LRRC4C: variants seen among roughly 807,000 people sequenced by gnomAD.
LRRC4C encodes leucine rich repeat containing 4C.
Under a neutral mutation model 33.6 loss-of-function variants are expected in LRRC4C, and 5 were observed. The ratio of observed to expected loss-of-function variants is 0.15; its 90% CI spans 0.08 to 0.31. The LOEUF (loss-of-function observed/expected upper bound fraction) is 0.31. Ranked by LOEUF, LRRC4C falls within the 10% of genes least tolerant of loss-of-function variation. LRRC4C has a pLI of 1.00. For synonymous variants in LRRC4C, 329 were observed against 302.0 expected, an observed-to-expected ratio of 1.09 and a Z score of -0.93; for missense variants, 560 against 796.7, an observed-to-expected ratio of 0.70 and a Z score of 3.58.
intron 2 of LRRC4C, among the ~76,000 whole-genome samples, chr11:40,818,329 T>C (rs1951787807): frequency 6.6e-6 from 1 of 152,106 alleles, no homozygotes. Flanking sequence ...ATGCTAAGAC[T>C]TTCCCTTCCA....
intron 3 of LRRC4C, among the ~76,000 whole-genome samples, chr11:40,490,603 A>C (rs962502431): frequency 3.0e-4 from 45 of 152,126 alleles, no homozygotes; most frequent in African/African-American, 9.9e-4. Flanking sequence ...CTGAGGAGTG[A>C]ATTTTACTGA....
At chr11:40,427,324 T>G (rs1381418668) in intron 3 of LRRC4C, among the ~76,000 whole-genome samples, 2 of 151,496 alleles carry the variant, frequency 1.3e-5, no homozygotes, top group African/African-American at 2.4e-5. Flanking sequence ...GCCAATGTCA[T>G]GAAACCACAT....
At chr11:40,364,531 A>G (rs962579090) in intron 3 of LRRC4C, among the ~76,000 whole-genome samples, 2 of 152,250 alleles carry the variant, frequency 1.3e-5, no homozygotes, top group Non-Finnish European at 2.9e-5. Flanking sequence ...AATGAAATTC[A>G]CATTAAAAAG....
chr11:41,227,942 T>TA lies in LRRC4C; in HGVS notation c.-496+231488dup, dbSNP rs201153392. ...TTTATACATTTTTAACATGTATACT[T>TA]AACAGTTGATCAATAATATTTCTAA... is the stretch of plus-strand genomic sequence containing the variant. On this transcript the variant is annotated intron_variant, in intron 1 of 6. Coordinates refer to ENST00000528697, the MANE Select transcript of LRRC4C (RefSeq NM_001258419.2). Among the ~76,000 whole-genome samples the TA allele has an allele frequency of 5.9e-3, 905 of 152,222 alleles. 15 individuals carry two copies. The highest frequency in any genetic ancestry group is 0.021 in the African/African-American group (852 of 41,544).
At chr11:40,530,617 T>A (rs2135306301) in intron 3 of LRRC4C, among the ~76,000 whole-genome samples, 1 of 152,294 alleles carries the variant, frequency 6.6e-6, no homozygotes, top group East Asian at 1.9e-4. Flanking sequence ...CAATGCCAAG[T>A]AGCAACTCAT....
chr11:40,756,608 A>G (rs1288276447), intron 2 of LRRC4C, among the ~76,000 whole-genome samples: 1 of 152,038 alleles, frequency 6.6e-6, no homozygotes, highest in Admixed American at 6.6e-5. Context: ...ATTTGGATAC[A>G]TTTTCAAAGC....
intron 3 of LRRC4C, among the ~76,000 whole-genome samples, chr11:40,362,445 T>C (rs112614626): frequency 0.094 from 14,226 of 151,914 alleles, 718 homozygotes; most frequent in Middle Eastern, 0.16. Context: ...AATATTCTGG[T>C]GCAGTGGCTC....
chr11:41,386,974 T>G (rs1382212961), intron 1 of LRRC4C, among the ~76,000 whole-genome samples: 2 of 151,760 alleles, frequency 1.3e-5, no homozygotes, highest in Non-Finnish European at 3.0e-5. Flanking sequence ...AGCATTCAAT[T>G]TTTTAGAGAA....
chr11:41,215,309 G>A (rs908333193), intron 1 of LRRC4C, among the ~76,000 whole-genome samples: 5 of 151,566 alleles, frequency 3.3e-5, no homozygotes, highest in Non-Finnish European at 4.4e-5. Flanking sequence ...CCAACATGGT[G>A]AAACCCTGCC....
chr11:40,794,585 T>A (rs1950752720), intron 2 of LRRC4C, among the ~76,000 whole-genome samples: 1 of 152,180 alleles, frequency 6.6e-6, no homozygotes, highest in Non-Finnish European at 1.5e-5. Flanking sequence ...GCTGTTTCCG[T>A]CTGTTGAACT....
At chr11:40,764,311 C>A (rs760211921) in intron 2 of LRRC4C, among the ~76,000 whole-genome samples, 17 of 152,068 alleles carry the variant, frequency 1.1e-4, no homozygotes, top group Non-Finnish European at 2.5e-4. Flanking sequence ...GAATTAACAT[C>A]ATCTGTAGCC....
At chr11:40,475,743 G>T (rs530047056) in intron 3 of LRRC4C, among the ~76,000 whole-genome samples, 1 of 152,178 alleles carries the variant, frequency 6.6e-6, no homozygotes, top group Admixed American at 6.5e-5. Flanking sequence ...TCACAAAATT[G>T]TTAGAGAAAC....
intron 3 of LRRC4C, among the ~76,000 whole-genome samples, chr11:40,622,621 T>C (rs917243340): frequency 2.6e-5 from 4 of 151,916 alleles, no homozygotes; most frequent in Non-Finnish European, 5.9e-5. Flanking sequence ...AAACCATACT[T>C]TAGAAGACAA....
intron 1 of LRRC4C, among the ~76,000 whole-genome samples, chr11:41,342,019 T>G (rs1951656612): frequency 6.6e-6 from 1 of 152,198 alleles, no homozygotes; most frequent in Non-Finnish European, 1.5e-5. Flanking sequence ...TTCATGAACC[T>G]CACCCCTGGT....
intron 1 of LRRC4C, among the ~76,000 whole-genome samples, chr11:40,937,787 A>T (rs1410514360): frequency 6.6e-6 from 1 of 151,946 alleles, no homozygotes; most frequent in East Asian, 1.9e-4. Context: ...GGACAGAGGC[A>T]CATGCCACCA....
intron 2 of LRRC4C, among the ~76,000 whole-genome samples, chr11:40,859,631 A>C (rs1333312455): frequency 1.3e-5 from 2 of 152,144 alleles, no homozygotes; most frequent in Non-Finnish European, 2.9e-5. Flanking sequence ...TCAAAAAAAG[A>C]GAAAAAAAAT....
At chr11:40,862,273 TA>T (rs1163141658) in intron 2 of LRRC4C, among the ~76,000 whole-genome samples, 4 of 152,160 alleles carry the variant, frequency 2.6e-5, no homozygotes, top group South Asian at 2.1e-4. Flanking sequence ...TTCTTGCTGT[TA>T]TTTTTTTGAC....
chr11:40,463,092 T>G (rs1231845605), intron 3 of LRRC4C, among the ~76,000 whole-genome samples: 2 of 152,112 alleles, frequency 1.3e-5, no homozygotes, highest in Non-Finnish European at 2.9e-5. Context: ...GTCAAGGGGA[T>G]GGGAGATGCT....
At chr11:40,320,261 T>A (rs1945775123) in intron 3 of LRRC4C, among the ~76,000 whole-genome samples, 1 of 152,038 alleles carries the variant, frequency 6.6e-6, no homozygotes, top group African/African-American at 2.4e-5. Context: ...ATCCCAGCAC[T>A]TTGGGAGGCA....
Sources: gnomAD v4.1 joint callset for allele counts (sites outside exome capture counted in the v4.1 genomes callset) on GRCh38, gnomAD v4.1.1 for gene constraint, MANE v1.5 for transcripts, NCBI Gene and HGNC (gene_info 2026-07-23, HGNC 2026-07-21) for gene names.